The following SLC41A3 variants were observed in gnomAD, a reference collection of about 807,000 sequenced individuals.
SLC41A3 encodes the protein SLC41A1-like 2.
In SLC41A3, 44 loss-of-function variants were observed where a neutral mutation model predicts 45.4. The ratio of observed to expected loss-of-function variants is 0.97; its 90% CI spans 0.76 to 1.25. The LOEUF (loss-of-function observed/expected upper bound fraction) is 1.25, where lower values mean the gene tolerates loss of function less well. SLC41A3 is among the 50% of genes most tolerant of loss of function. SLC41A3 has a pLI of 0.00. For synonymous variants in SLC41A3, 256 were observed against 252.4 expected (o/e 1.01, Z -0.13); for missense variants, 550 against 600.6 (o/e 0.92, Z 0.88).
chr3:126,021,176 G>A (rs1052516713), intron 6 of SLC41A3, among the ~76,000 whole-genome samples: 19 of 152,208 alleles, frequency 1.2e-4, no homozygotes, highest in Admixed American at 1.2e-3. Context: ...TTACAGGCGT[G>A]AGCCACCGCG....
rs571425555 is a variant in SLC41A3, at chr3:126,068,540, C to A, written c.-27-294G>T. Among the ~76,000 whole-genome samples the A allele has an allele frequency of 5.3e-4, 80 of 152,222 alleles. 1 individual carries two copies. The highest frequency in any genetic ancestry group is 1.0e-3 in the Non-Finnish European group (69 of 68,006). On this transcript the variant is annotated intron_variant, in intron 1 of 10. Transcript: ENST00000360370. ...TCCTATAAAAGCAATTTAAAAAAAA[C>A]CCAGCAAAAACTGTCAAAATCATCT...
intron 2 of SLC41A3, among the ~76,000 whole-genome samples, chr3:126,064,404 C>G (rs992524452): frequency 9.2e-5 from 14 of 152,128 alleles, no homozygotes; most frequent in Non-Finnish European, 1.5e-4. Flanking sequence ...TCTTGCCCCC[C>G]ACATCCCCTG....
intron 2 of SLC41A3, among the ~76,000 whole-genome samples, chr3:126,062,455 G>A (rs1389107686): frequency 6.6e-6 from 1 of 152,164 alleles, no homozygotes; most frequent in East Asian, 1.9e-4. Flanking sequence ...CAGTCATGCG[G>A]CCAAGGTCTC....
intron 3 of SLC41A3, among the ~76,000 whole-genome samples, chr3:126,046,447 C>T (rs192424979): frequency 2.2e-4 from 33 of 151,900 alleles, no homozygotes; most frequent in Non-Finnish European, 2.1e-4. Context: ...AAATCAGTTG[C>T]GTTTCTATAC....
intron 1 of SLC41A3, among the ~76,000 whole-genome samples, chr3:126,098,225 G>A (rs1413564431): frequency 6.6e-6 from 1 of 152,184 alleles, no homozygotes; most frequent in South Asian, 2.1e-4. Context: ...GATTCAGTGA[G>A]GTTATAAGGT....
At chr3:126,036,176 G>T (rs761002926) in intron 3 of SLC41A3, among the ~76,000 whole-genome samples, 13 of 152,162 alleles carry the variant, frequency 8.5e-5, no homozygotes, top group Admixed American at 3.9e-4. Flanking sequence ...TTTCCTTATT[G>T]TCTACGTAAA....
chr3:126,092,133 G>A (rs990805374), intron 1 of SLC41A3, among the ~76,000 whole-genome samples: 1 of 152,138 alleles, frequency 6.6e-6, no homozygotes, highest in South Asian at 2.1e-4. Flanking sequence ...CCATAAACTG[G>A]CCCCAAAAGT....
At chr3:126,043,859 AG>A (rs1298973814) in intron 3 of SLC41A3, among the ~76,000 whole-genome samples, 1 of 151,892 alleles carries the variant, frequency 6.6e-6, no homozygotes, top group African/African-American at 2.4e-5. Flanking sequence ...GGAAGGCAAT[AG>A]GGAAGAAATA....
chr3:126,059,242 A>AGAAG (rs1943869210), intron 2 of SLC41A3, among the ~76,000 whole-genome samples: 2 of 2,300 alleles, frequency 8.7e-4, no homozygotes, highest in Admixed American at 8.2e-3. Context: ...AGAGAAAGAA[A>AGAAG]GAAAGAAAGA....
chr3:126,069,458 T>C (rs1486896433), intron 1 of SLC41A3, among the ~76,000 whole-genome samples: 2 of 152,038 alleles, frequency 1.3e-5, no homozygotes, highest in Admixed American at 6.5e-5. Context: ...GTTTGCAGGA[T>C]TGGTCCAGAA....
At chr3:126,067,093 G>GCCCC (rs1170798520) in intron 2 of SLC41A3, among the ~76,000 whole-genome samples, 1 of 74,506 alleles carries the variant, frequency 1.3e-5, no homozygotes, top group African/African-American at 4.6e-5. Context: ...GGGTTGGACC[G>GCCCC]CCCCCCCGCC....
rs1939425811 is a variant in SLC41A3 at position 126,008,996 on chromosome 3, G to A, written c.1106-116C>T. ...ATCCATTTATTCCCAAGTGTTCACT[G>A]GACACCTACTCTGTGGCAAGCATAT... On this transcript the variant is annotated intron_variant, in intron 9 of 10. Transcript: ENST00000360370. 4 of 1,292,726 alleles carry A rather than the reference G, an allele frequency of 3.1e-6. No individual in the cohort carries two copies. The Admixed American group carries it at 5.8e-5, about 19-fold the overall frequency. 80.1% of individuals were successfully genotyped at this position (1,292,726 alleles called of 1,614,324 possible). A position where few individuals can be genotyped will look rare whatever the true frequency, so the allele number is the denominator to read the frequency against.
chr3:126,087,242 T>C (rs1205755758), upstream of SLC41A3, among the ~76,000 whole-genome samples: 1 of 152,124 alleles, frequency 6.6e-6, no homozygotes, highest in Middle Eastern at 3.2e-3. Context: ...AATACTCTTA[T>C]ATTTAATCAT....
intron 1 of SLC41A3, among the ~76,000 whole-genome samples, chr3:126,078,063 C>T (rs1340521853): frequency 6.6e-6 from 1 of 152,174 alleles, no homozygotes. Context: ...CCTGAAGGAC[C>T]TGCAGGGGCC....
intron 3 of SLC41A3, among the ~76,000 whole-genome samples, chr3:126,047,397 T>C (rs1042328980): frequency 6.6e-6 from 1 of 152,178 alleles, no homozygotes. Context: ...TGTATTTTGA[T>C]GAAACAGAAA....
rs1272816063 is a variant in SLC41A3 at position 126,010,199 on chromosome 3, C to T, written c.1106-1319G>A. 3.9e-5 allele frequency among the ~76,000 whole-genome samples: 6 copies of T among 152,228 alleles called. No homozygotes were observed. The East Asian group carries it at 5.8e-4, about 15-fold the overall frequency. ...GACAAAAAACACTCCATAGGCTAGG[C>T]GCTGTGGCTCACGCCTGTAAACCCA... is the stretch of plus-strand genomic sequence containing the variant. On this transcript the variant is annotated intron_variant, in intron 9 of 10. Transcript: ENST00000360370.
At chr3:126,086,044 C>T (rs894095413), upstream of SLC41A3, among the ~76,000 whole-genome samples, 4 of 152,020 alleles carry the variant, frequency 2.6e-5, no homozygotes, top group African/African-American at 9.7e-5. Flanking sequence ...CCACAAGCAG[C>T]ACACATTGAT....
chr3:126,097,935 TC>T (rs1406086357), intron 1 of SLC41A3, among the ~76,000 whole-genome samples: 2 of 151,992 alleles, frequency 1.3e-5, no homozygotes, highest in African/African-American at 4.8e-5. Flanking sequence ...CCCCTCTGTC[TC>T]CCCCTTACAC....
chr3:126,078,975 T>TC (rs1945013758), intron 1 of SLC41A3: 1 of 152,118 alleles, frequency 6.6e-6, no homozygotes, highest in African/African-American at 2.4e-5. Context: ...TGTTCTCACC[T>TC]CCCCTCCTCT....
Sources: gnomAD v4.1 joint callset for allele counts (sites outside exome capture counted in the v4.1 genomes callset) on GRCh38, gnomAD v4.1.1 for gene constraint, MANE v1.5 for transcripts, NCBI Gene and HGNC (gene_info 2026-07-23, HGNC 2026-07-21) for gene names.